The following LRP6 variants were observed in gnomAD, a reference collection of about 807,000 sequenced individuals.
LRP6 encodes low-density lipoprotein receptor-related protein 6.
LRP6 carries 43 observed loss-of-function variants against 184.1 expected under a neutral mutation model. The ratio of observed to expected loss-of-function variants is 0.23; its 90% CI spans 0.18 to 0.30. LRP6 has a LOEUF of 0.30. Ranked by LOEUF, LRP6 falls within the 10% of genes least tolerant of loss-of-function variation. The pLI, the probability that LRP6 is intolerant of heterozygous loss-of-function variation, is 1.00. For missense variants in LRP6, 1,571 were observed against 2,005.3 expected, an observed-to-expected ratio of 0.78 and a Z score of 4.14; for synonymous variants, 719 against 684.9, an observed-to-expected ratio of 1.05 and a Z score of -0.78.
Position 12,181,273 on chromosome 12 carries a change from C to T in LRP6, c.1143G>A (p.Val381=). The T allele has an allele frequency of 6.2e-7, 1 of 1,614,198 alleles. No individual in the cohort carries two copies. The change falls in exon 6 of 23, where the codon GTG becomes GTA. Residue 381 remains valine, a synonymous_variant. Transcript: ENST00000261349. The part of the protein sequence containing the change: ...EGYIYWTDDE[V]RAIRRSFIDG... Reference sequence around the variant, plus strand: ...CTATAAATGAACGGCGTATGGCCCTCACTTCATCATCAGTCCAGTAGATGT... The same window carrying T: ...CTATAAATGAACGGCGTATGGCCCTTACTTCATCATCAGTCCAGTAGATGT...
intron 1 of LRP6, among the ~76,000 whole-genome samples, chr12:12,255,874 G>A (rs116855150): frequency 4.5e-4 from 68 of 152,010 alleles, no homozygotes; most frequent in Non-Finnish European, 8.2e-4. Context: ...CTTGGCCTCA[G>A]CTTTGTTTTT....
At chr12:12,169,505 G>C (rs1030766754) in intron 7 of LRP6, among the ~76,000 whole-genome samples, 1 of 152,154 alleles carries the variant, frequency 6.6e-6, no homozygotes, top group Non-Finnish European at 1.5e-5. Context: ...TCAGGAAGAA[G>C]AGAGCAAAGC....
At chr12:12,258,912 T>C (rs537083439) in intron 1 of LRP6, among the ~76,000 whole-genome samples, 2 of 152,224 alleles carry the variant, frequency 1.3e-5, no homozygotes, top group East Asian at 1.9e-4. Context: ...TGGTTAAACA[T>C]ACATAATTTG....
At chr12:12,243,056 T>C (rs1260330804) in intron 2 of LRP6, among the ~76,000 whole-genome samples, 1 of 152,244 alleles carries the variant, frequency 6.6e-6, no homozygotes, top group East Asian at 1.9e-4. Flanking sequence ...ATTAAAATAG[T>C]ACAGGTTATT....
intron 2 of LRP6, among the ~76,000 whole-genome samples, chr12:12,211,438 T>C (rs1864208385): frequency 6.6e-6 from 1 of 152,074 alleles, no homozygotes; most frequent in Non-Finnish European, 1.5e-5. Context: ...CAACACTCCG[T>C]CTCAAAAAAA....
At chr12:12,152,845 C>A (rs1453521329) in intron 12 of LRP6, among the ~76,000 whole-genome samples, 1 of 152,154 alleles carries the variant, frequency 6.6e-6, no homozygotes, top group Non-Finnish European at 1.5e-5. Flanking sequence ...TACATTTACA[C>A]TCAAATGAAT....
rs1591868168 is a variant in LRP6, at chr12:12,131,865, C to T, written c.3926G>A (p.Gly1309Glu). 1.9e-6 allele frequency: 3 copies of T among 1,614,232 alleles called. No individual in the cohort carries two copies. In the East Asian group the frequency reaches 6.7e-5, roughly 36 times the overall value. Residue 1309 changes from glycine to glutamate, a missense_variant, in exon 18 of 23, where the codon GGA becomes GAA. Gly to Glu is a moderately conservative substitution (Grantham distance 98, BLOSUM62 -2). Around this residue, in one of 4 missense-constraint regions of LRP6, gnomAD observed 763 missense variants for 859.5 expected, o/e 0.89. Coordinates refer to ENST00000261349, the MANE Select transcript of LRP6 (RefSeq NM_002336.3). ...QCIDGALRCN[G>E]DANCQDKSDE... ...TGATTTGTCCTGGCAGTTTGCATCT[C>T]CATTGCATCGGAGGGCACCATCAAT... is the stretch of plus-strand genomic sequence containing the variant.
chr12:12,180,120 T>A, intron 6 of LRP6, 139 bp from the exon 7 acceptor site: 1 of 683,122 alleles, frequency 1.5e-6, no homozygotes, highest in Non-Finnish European at 2.5e-6. Context: ...AAAAAACATA[T>A]GAAGAGGTGT....
At chr12:12,204,247 T>C (rs796387509) in intron 2 of LRP6, among the ~76,000 whole-genome samples, 26 of 143,692 alleles carry the variant, frequency 1.8e-4, no homozygotes, top group African/African-American at 6.7e-4. Flanking sequence ...TACAAAACAG[T>C]TGGTCTTTGA....
intron 3 of LRP6, among the ~76,000 whole-genome samples, chr12:12,192,694 A>T (rs1191102098): frequency 6.6e-6 from 1 of 152,066 alleles, no homozygotes; most frequent in African/African-American, 2.4e-5. Context: ...GGAAGTTACA[A>T]TTAGAAACAT....
intron 2 of LRP6, among the ~76,000 whole-genome samples, chr12:12,229,370 CAA>C (rs375650917): frequency 4.9e-5 from 3 of 61,382 alleles, no homozygotes; most frequent in Admixed American, 3.8e-4. Flanking sequence ...AACTCCATTT[CAA>C]AAAAAAAAAA....
In LRP6 at chr12:12,148,968, T is replaced by G. The variant is rs759503694; in HGVS notation, c.3180A>C (p.Arg1060=). The change falls in exon 14 of 23, where the codon CGA becomes CGC. Residue 1060 remains arginine (R), a synonymous_variant. Coordinates refer to ENST00000261349, the MANE Select transcript of LRP6 (RefSeq NM_002336.3). ...VVLKGEQDRP[R]AVVVNPEKGY... The stretch of plus-strand genomic sequence containing the variant: ...CTTTCTCTGGGTTTACCACAACGGC[T>G]CGAGGTCTGTCCTGCTCGCCTTTCA... 15 of 1,613,480 alleles carry G rather than the reference T, an allele frequency of 9.3e-6. No homozygotes were observed. The African/African-American group carries it at 2.0e-4, about 22-fold the overall frequency.
intron 2 of LRP6, among the ~76,000 whole-genome samples, chr12:12,204,208 G>T (rs1220804871): frequency 7.0e-6 from 1 of 142,522 alleles, no homozygotes; most frequent in Admixed American, 7.3e-5. Context: ...AAATTATGAG[G>T]AAACAGTGTG....
intron 1 of LRP6, among the ~76,000 whole-genome samples, chr12:12,251,818 C>T (rs1324411246): frequency 1.3e-5 from 2 of 152,160 alleles, no homozygotes; most frequent in African/African-American, 4.8e-5. Flanking sequence ...TGTATTCACA[C>T]CCTTAAAAGG....
chr12:12,237,561 C>A (rs1424342194), intron 2 of LRP6, among the ~76,000 whole-genome samples: 3 of 152,152 alleles, frequency 2.0e-5, no homozygotes, highest in Non-Finnish European at 4.4e-5. Context: ...CAGACAAAAC[C>A]ATAGCCAAGT....
At chr12:12,263,262 T>C (rs1461365566) in intron 1 of LRP6, among the ~76,000 whole-genome samples, 4 of 80,966 alleles carry the variant, frequency 4.9e-5, no homozygotes, top group Admixed American at 1.4e-4. Flanking sequence ...CGAAACTCTG[T>C]CTTTAAAAAA....
intron 1 of LRP6, among the ~76,000 whole-genome samples, chr12:12,261,246 C>T (rs1865608399): frequency 6.6e-6 from 1 of 152,166 alleles, no homozygotes; most frequent in African/African-American, 2.4e-5. Flanking sequence ...CGGTGAAACC[C>T]CATCTCTACT....
rs568841070 is a variant in LRP6 at position 12,186,532 on chromosome 12, C to A, written c.844+391G>T. 3.9e-5 allele frequency among the ~76,000 whole-genome samples: 6 copies of A among 151,920 alleles called. No individual in the cohort carries two copies. In the East Asian group the frequency reaches 9.7e-4, roughly 25 times the overall value. The stretch of plus-strand genomic sequence containing the variant: ...CGGCTGGGACTACAGGTGCACACTA[C>A]CACACCCCATTAATTTTTGTATTTT... On this transcript the variant is annotated intron_variant, in intron 4 of 22. Transcript: ENST00000261349.
In LRP6 at chr12:12,216,655, T is replaced by TAA. The variant is rs34936968; in HGVS notation, c.450-13257_450-13256dup. ...TGGTCTTCTCTCTGTACTTAAAATT[T>TAA]AAAAAAAAAAAAAAAGAAAAGAAAA... On this transcript the variant is annotated intron_variant, in intron 2 of 22. Transcript: ENST00000261349. Among the ~76,000 whole-genome samples the TAA allele has an allele frequency of 4.9e-3, 669 of 137,046 alleles. 5 individuals carry two copies. Among genetic ancestry groups the TAA allele is most frequent in the African/African-American group, 0.017 (610 of 36,894 alleles). 89.9% of individuals were successfully genotyped at this position (137,046 alleles called of 152,430 possible).
Sources: gnomAD v4.1 joint callset for allele counts (sites outside exome capture counted in the v4.1 genomes callset) on GRCh38, gnomAD v4.1.1 for gene constraint, gnomAD v4.1.1 regional missense constraint, MANE v1.5 for transcripts, NCBI Gene and HGNC (gene_info 2026-07-23, HGNC 2026-07-21) for gene names.